The following SCN3A variants were observed in gnomAD, a reference collection of about 807,000 sequenced individuals.
The protein encoded by SCN3A is sodium channel protein type 3 subunit alpha.
Under a neutral mutation model 187.6 loss-of-function variants are expected in SCN3A, and 60 were observed. The ratio of observed to expected loss-of-function variants is 0.32; its 90% CI spans 0.26 to 0.40. SCN3A has a LOEUF of 0.40. SCN3A is among the 10% of genes least tolerant of loss of function. SCN3A has a pLI of 1.00. For missense variants in SCN3A, 1,601 were observed against 2,428.2 expected, an observed-to-expected ratio of 0.66 and a Z score of 7.16; for synonymous variants, 788 against 829.2, an observed-to-expected ratio of 0.95 and a Z score of 0.85.
rs1220840612 is a variant in SCN3A, at chr2:165,159,938, T to G, written c.1031+2370A>C. Among the ~76,000 whole-genome samples, 5 of 132,950 alleles carry G rather than the reference T, an allele frequency of 3.8e-5. 1 individual carries two copies. Among genetic ancestry groups the G allele is most frequent in the African/African-American group, 1.6e-4 (5 of 31,820 alleles). 87.2% of individuals were successfully genotyped at this position (132,950 alleles called of 152,430 possible). A position where few individuals can be genotyped will look rare whatever the true frequency, so the allele number is the denominator to read the frequency against. ...CGAGGTCAGGAGATTGAGACCATCC[T>G]GGCTAACATGGTGAAACCTGGTATC... is the stretch of plus-strand genomic sequence containing the variant. On this transcript the variant is annotated intron_variant, in intron 9 of 27. Coordinates refer to ENST00000283254, the MANE Select transcript of SCN3A (RefSeq NM_006922.4).
intron 3 of SCN3A, 119 bp downstream of exon 3, chr2:165,176,012 G>A (rs1574301188): frequency 3.6e-6 from 3 of 832,594 alleles, no homozygotes; most frequent in Non-Finnish European, 5.6e-6. Context: ...TGACAGTGAA[G>A]AGTATTATAA....
At chr2:165,175,071 A>G (rs1690366235) in intron 3 of SCN3A, among the ~76,000 whole-genome samples, 1 of 152,214 alleles carries the variant, frequency 6.6e-6, no homozygotes, top group Non-Finnish European at 1.5e-5. Context: ...CTTATTTAGA[A>G]CAACAGGACT....
chr2:165,112,874 A>G lies in SCN3A; in HGVS notation c.3843+11T>C. On this transcript the variant is annotated intron_variant, in intron 21 of 27. Coordinates refer to ENST00000283254, the MANE Select transcript of SCN3A (RefSeq NM_006922.4). ...AAAAACAATTTTATAAAAATCACTTAAAATACTTACATCAACGATCAAGAA... is the reference window on the plus strand; with the variant it reads ...AAAAACAATTTTATAAAAATCACTTGAAATACTTACATCAACGATCAAGAA... The G allele has an allele frequency of 6.2e-7, 1 of 1,610,634 alleles. No individual in the cohort carries two copies. Among genetic ancestry groups the G allele is most frequent in the Non-Finnish European group, 8.5e-7 (1 of 1,177,996 alleles).
intron 11 of SCN3A, among the ~76,000 whole-genome samples, chr2:165,149,215 G>A (rs991503941): frequency 6.7e-5 from 10 of 149,298 alleles, no homozygotes; most frequent in African/African-American, 2.0e-4. Flanking sequence ...TCACTCTGTC[G>A]CCCAGGCTGG....
At chr2:165,133,821 C>T (rs1687502540) in intron 15 of SCN3A, among the ~76,000 whole-genome samples, 1 of 152,142 alleles carries the variant, frequency 6.6e-6, no homozygotes, top group Non-Finnish European at 1.5e-5. Context: ...TGGTACACTA[C>T]ATTTCTAACA....
intron 1 of SCN3A, among the ~76,000 whole-genome samples, chr2:165,190,800 C>A (rs1691551955): frequency 6.6e-6 from 1 of 151,542 alleles, no homozygotes; most frequent in South Asian, 2.1e-4. Flanking sequence ...AACTTGGAAG[C>A]ACTGTATCCT....
At chr2:165,134,203 C>T (rs1167299599) in intron 15 of SCN3A, among the ~76,000 whole-genome samples, 3 of 152,074 alleles carry the variant, frequency 2.0e-5, no homozygotes, top group Non-Finnish European at 4.4e-5. Flanking sequence ...GAAAGAAAAA[C>T]AATGAAACAA....
chr2:165,109,492 C>T (rs1686016226), intron 21 of SCN3A, among the ~76,000 whole-genome samples: 1 of 152,102 alleles, frequency 6.6e-6, no homozygotes, highest in Non-Finnish European at 1.5e-5. Context: ...TCTGATATTC[C>T]CCATCCCAGT....
At chr2:165,192,892 C>T (rs187855909) in intron 1 of SCN3A, among the ~76,000 whole-genome samples, 34 of 152,150 alleles carry the variant, frequency 2.2e-4, no homozygotes, top group Admixed American at 1.9e-3. Context: ...TACAATTGCC[C>T]AAACAAATCT....
intron 1 of SCN3A, among the ~76,000 whole-genome samples, chr2:165,201,170 G>T (rs73021836): frequency 6.6e-6 from 1 of 151,926 alleles, no homozygotes; most frequent in Non-Finnish European, 1.5e-5. Flanking sequence ...TTTGAAGTCC[G>T]TGATAACATA....
intron 1 of SCN3A, among the ~76,000 whole-genome samples, chr2:165,188,953 G>T (rs1326587605): frequency 1.3e-5 from 2 of 151,942 alleles, no homozygotes; most frequent in Non-Finnish European, 2.9e-5. Context: ...AGTGAGTTTT[G>T]TGCAAGCGAT....
intron 1 of SCN3A, among the ~76,000 whole-genome samples, chr2:165,192,535 C>G (rs760724047): frequency 1.6e-4 from 25 of 152,048 alleles, no homozygotes; most frequent in Non-Finnish European, 3.5e-4. Context: ...CCATCAAATT[C>G]TATAATTTTT....
rs1250298834 is a variant in SCN3A at position 165,186,681 on chromosome 2, T to G, written c.-181A>C. 2 of 152,180 alleles carry G rather than the reference T, an allele frequency of 1.3e-5. No individual in the cohort carries two copies. The highest frequency in any genetic ancestry group is 4.8e-5 in the African/African-American group (2 of 41,448). The allele number at this position is 152,180 out of a possible 1,614,324, so 9.4% of individuals were successfully genotyped here. A position where few individuals can be genotyped will look rare whatever the true frequency, so the allele number is the denominator to read the frequency against. ...CAGTAAGCCACTCTACTATGAATCC[T>G]TGACAGGTATCTCATCCCTGTCAAA... On this transcript the variant is annotated 5_prime_UTR_variant, in exon 2 of 28. Coordinates refer to ENST00000283254, the MANE Select transcript of SCN3A (RefSeq NM_006922.4).
In SCN3A at chr2:165,124,095, C is replaced by G. The variant is rs375996018; in HGVS notation, c.3393+3536G>C. ...TTATATATTTTAAATAATTTCTTTACATTTTGTAATTGAAATCTATGTATT... is the reference window on the plus strand; with the variant it reads ...TTATATATTTTAAATAATTTCTTTAGATTTTGTAATTGAAATCTATGTATT... On this transcript the variant is annotated intron_variant, in intron 18 of 27. Coordinates refer to ENST00000283254, the MANE Select transcript of SCN3A (RefSeq NM_006922.4). 5.9e-5 allele frequency among the ~76,000 whole-genome samples: 9 copies of G among 152,008 alleles called. No individual in the cohort carries two copies. The East Asian group carries it at 1.7e-3, about 29-fold the overall frequency.
rs770414744 is a variant in SCN3A at position 165,090,507 on chromosome 2, G to C, written c.5646C>G (p.Asn1882Lys). 1.9e-6 allele frequency: 3 copies of C among 1,613,988 alleles called. No individual in the cohort carries two copies. In the South Asian group the frequency reaches 3.3e-5, roughly 18 times the overall value. The stretch of plus-strand genomic sequence containing the variant: ...TAGGCTCATAAGAGACTTTGGAGGG[G>C]TTTGATGCCATAAACCTGTCTTCCA... ...IQMEDRFMAS[N>K]PSKVSYEPIT... is the part of the protein sequence containing the mutation. Residue 1882 changes from asparagine (N) to lysine (K), a missense_variant, in exon 28 of 28, where the codon AAC (asparagine) becomes AAG (lysine). This residue lies in a region of SCN3A where 110 missense variants were observed against 175.9 expected (regional missense o/e 0.63). Coordinates refer to ENST00000283254, the MANE Select transcript of SCN3A (RefSeq NM_006922.4). The surrounding 1 kb of genome is among the most constrained non-coding windows in gnomAD (Gnocchi z 4.0).
intron 1 of SCN3A, among the ~76,000 whole-genome samples, chr2:165,201,944 G>A (rs1006257142): frequency 2.0e-5 from 3 of 151,990 alleles, no homozygotes; most frequent in Non-Finnish European, 4.4e-5. Flanking sequence ...TGTAGGCAAG[G>A]AAAATGCTCT....
chr2:165,091,867 T>C, intron 27 of SCN3A: 1 of 305,952 alleles, frequency 3.3e-6, no homozygotes, highest in South Asian at 3.4e-5. Flanking sequence ...TCTGGAAGCC[T>C]GTGTTAACTC....
chr2:165,138,717 G>T (rs1687814815), intron 14 of SCN3A, among the ~76,000 whole-genome samples: 1 of 152,034 alleles, frequency 6.6e-6, no homozygotes, highest in Admixed American at 6.6e-5. Context: ...AATGGATGAG[G>T]CCTGTTACAA....
chr2:165,112,453 C>T (rs184151010), intron 21 of SCN3A, among the ~76,000 whole-genome samples: 6 of 152,264 alleles, frequency 3.9e-5, no homozygotes, highest in Non-Finnish European at 8.8e-5. Context: ...TTTAGTCACA[C>T]GTACTCTAGG....
Sources: gnomAD v4.1 joint callset for allele counts (sites outside exome capture counted in the v4.1 genomes callset) on GRCh38, gnomAD v4.1.1 for gene constraint, gnomAD v4.1.1 regional missense constraint, Gnocchi (gnomAD v3.1) non-coding constraint, MANE v1.5 for transcripts, NCBI Gene and HGNC (gene_info 2026-07-23, HGNC 2026-07-21) for gene names.